Variants in SAXO1 observed in about 807,000 individuals in gnomAD.
The protein encoded by SAXO1 is stabilizer of axonemal microtubules 1, also known as 4930500O09Rik.
Under a neutral mutation model 17.5 loss-of-function variants are expected in SAXO1, and 21 were observed. The ratio of observed to expected loss-of-function variants is 1.20; its 90% confidence interval spans 0.85 to 1.72. The LOEUF (loss-of-function observed/expected upper bound fraction) is 1.72. SAXO1 is among the 40% of genes most tolerant of loss of function. SAXO1 has a pLI of 0.00. For missense variants in SAXO1, 843 were observed against 596.0 expected (o/e 1.41, Z -4.32); for synonymous variants, 274 against 216.5 (o/e 1.27, Z -2.33).
intron 1 of SAXO1, among the ~76,000 whole-genome samples, chr9:18,964,066 A>T (rs1832613534): frequency 6.6e-6 from 1 of 152,096 alleles, no homozygotes; most frequent in Non-Finnish European, 1.5e-5. Flanking sequence ...TATGTGATGG[A>T]TTATGTTTAT....
In SAXO1 at chr9:18,945,975, A is replaced by C. The variant is rs146813168; in HGVS notation, c.219-4136T>G. ...TCTTTTAGGTAATCACCTTTTCTTG[A>C]CTACAAAAACCAGAAGGCTGGCCGG... is the stretch of plus-strand genomic sequence containing the variant. On this transcript the variant is annotated intron_variant, in intron 2 of 3. Transcript: ENST00000380534. Among the ~76,000 whole-genome samples the C allele has an allele frequency of 1.9e-4, 29 of 152,230 alleles. No homozygotes were observed. The East Asian group carries it at 5.6e-3, about 29-fold the overall frequency.
intron 1 of SAXO1, among the ~76,000 whole-genome samples, chr9:19,032,507 C>G (rs114030212): frequency 1.7e-4 from 26 of 152,356 alleles, no homozygotes; most frequent in African/African-American, 5.3e-4. Context: ...GAATTCTCCT[C>G]CCATCCTATC....
Position 18,928,560 on chromosome 9 carries a change from G to A in SAXO1, c.917C>T (p.Thr306Ile). The change falls in exon 4 of 4, where the codon ACA becomes ATA. Residue 306 changes from threonine (T) to isoleucine (I), a missense_variant. Transcript: ENST00000380534. ...PPEDRMDLLT[T>I]VQAHYTCPKG... is the part of the protein sequence containing the mutation. Reference sequence around the variant, plus strand: ...AGGGCATGTGTAATGGGCCTGCACTGTTGTCAGAAGATCCATCCTGTCTTC... The same window carrying A: ...AGGGCATGTGTAATGGGCCTGCACTATTGTCAGAAGATCCATCCTGTCTTC... The A allele has an allele frequency of 1.9e-6, 3 of 1,614,174 alleles. No individual in the cohort carries two copies. Among genetic ancestry groups the A allele is most frequent in the Non-Finnish European group, 2.5e-6 (3 of 1,180,036 alleles).
intron 1 of SAXO1, among the ~76,000 whole-genome samples, chr9:18,980,967 T>A (rs1274327003): frequency 1.3e-5 from 2 of 152,102 alleles, no homozygotes; most frequent in Non-Finnish European, 2.9e-5. Flanking sequence ...TGGTAGAGCG[T>A]TACCTAAGTG....
chr9:18,959,796 G>C (rs1290783474), intron 1 of SAXO1, among the ~76,000 whole-genome samples: 1 of 151,992 alleles, frequency 6.6e-6, no homozygotes, highest in Non-Finnish European at 1.5e-5. Flanking sequence ...AAAGATTCCA[G>C]GTGTGTACAG....
At chr9:18,987,479 A>G (rs548392669) in intron 1 of SAXO1, among the ~76,000 whole-genome samples, 1 of 152,224 alleles carries the variant, frequency 6.6e-6, no homozygotes, top group African/African-American at 2.4e-5. Context: ...AGGCAAGGAA[A>G]TATGATCCAG....
At chr9:18,945,351 C>T (rs1198698424) in intron 2 of SAXO1, among the ~76,000 whole-genome samples, 1 of 152,206 alleles carries the variant, frequency 6.6e-6, no homozygotes, top group Non-Finnish European at 1.5e-5. Context: ...TCAATACTCT[C>T]TCCCTTGACT....
At chr9:18,961,862 G>A (rs2131760178) in intron 1 of SAXO1, among the ~76,000 whole-genome samples, 1 of 152,232 alleles carries the variant, frequency 6.6e-6, no homozygotes, top group East Asian at 1.9e-4. Context: ...CCAGTAATGG[G>A]ATTGCTGGGT....
At chr9:19,042,664 A>G (rs532480844) in intron 1 of SAXO1, among the ~76,000 whole-genome samples, 1 of 152,144 alleles carries the variant, frequency 6.6e-6, no homozygotes, top group South Asian at 2.1e-4. Context: ...GGAATTCAAA[A>G]CCAGCCCGAC....
rs67090530 is a variant in SAXO1 at position 18,938,821 on chromosome 9, C to CGTGTGTGTGTGTGT, written c.421+2802_421+2815dup. ...GTGTGGTGGGGTGCATGCGTGCGTG[C>CGTGTGTGTGTGTGT]GTGTGTGTGTGTGTGTGTGTGTGTG... On this transcript the variant is annotated intron_variant, in intron 3 of 3. Coordinates refer to ENST00000380534, the MANE Select transcript of SAXO1 (RefSeq NM_153707.4). Among the ~76,000 whole-genome samples the CGTGTGTGTGTGTGT allele has an allele frequency of 9.8e-4, 77 of 78,588 alleles. 1 individual carries two copies. Among genetic ancestry groups the CGTGTGTGTGTGTGT allele is most frequent in the African/African-American group, 3.3e-3 (72 of 21,496 alleles). 51.6% of individuals were successfully genotyped at this position (78,588 alleles called of 152,430 possible). A position where few individuals can be genotyped will look rare whatever the true frequency, so the allele number is the denominator to read the frequency against.
intron 1 of SAXO1, among the ~76,000 whole-genome samples, chr9:18,958,938 A>G (rs992819469): frequency 1.3e-5 from 2 of 152,182 alleles, no homozygotes; most frequent in East Asian, 1.9e-4. Flanking sequence ...TTTCTGGGGG[A>G]AAAACTGACA....
rs145470510 is a variant in SAXO1 at position 18,950,937 on chromosome 9, C to G, written c.39G>C (p.Gly13=). 4 of 1,609,726 alleles carry G rather than the reference C, an allele frequency of 2.5e-6. No individual in the cohort carries two copies. The African/African-American group carries it at 4.0e-5, about 16-fold the overall frequency. ...TAGGGAGATGTGGACAGTGATGCCG[C>G]CTATAAAAGACACAGAGTTAGGTTG... ...TKCICELCSC[G]RHHCPHLPTK... is the part of the protein sequence containing the mutation. The change falls in exon 2 of 4, where the codon GGG becomes GGC. Residue 13 remains glycine (G), a splice_region_variant and synonymous_variant. Transcript: ENST00000380534.
chr9:19,041,133 A>G (rs1020271337), intron 1 of SAXO1, among the ~76,000 whole-genome samples: 1 of 148,598 alleles, frequency 6.7e-6, no homozygotes, highest in African/African-American at 2.5e-5. Context: ...AATCAGGAGC[A>G]CTTCTACCTG....
chr9:19,038,779 G>C (rs979733786), intron 1 of SAXO1, among the ~76,000 whole-genome samples: 1 of 151,756 alleles, frequency 6.6e-6, no homozygotes, highest in Non-Finnish European at 1.5e-5. Context: ...AGAATAAATG[G>C]CTGTGTATGT....
At chr9:18,950,638 T>C in intron 2 of SAXO1, 120 bp downstream of exon 2, 1 of 819,514 alleles carries the variant, frequency 1.2e-6, no homozygotes, top group Non-Finnish European at 1.9e-6. Context: ...TAATATCATA[T>C]GTTGATACTG....
At chr9:18,948,876 T>C (rs1393942388) in intron 2 of SAXO1, among the ~76,000 whole-genome samples, 3 of 152,116 alleles carry the variant, frequency 2.0e-5, no homozygotes, top group Non-Finnish European at 2.9e-5. Flanking sequence ...AAATTGGATA[T>C]AAAGAGATAA....
chr9:18,935,283 C>G (rs1205927766), intron 3 of SAXO1, among the ~76,000 whole-genome samples: 1 of 152,166 alleles, frequency 6.6e-6, no homozygotes, highest in Non-Finnish European at 1.5e-5. Context: ...AACTTAAGAA[C>G]TTTAAGCCAG....
At chr9:19,004,810 T>C (rs140836356) in intron 1 of SAXO1, among the ~76,000 whole-genome samples, 108 of 152,300 alleles carry the variant, frequency 7.1e-4, no homozygotes, top group African/African-American at 2.4e-3. Flanking sequence ...GGCACATGTG[T>C]ATCTATGTAG....
chr9:18,989,887 T>C (rs140339494), intron 1 of SAXO1, among the ~76,000 whole-genome samples: 2 of 152,330 alleles, frequency 1.3e-5, no homozygotes, highest in African/African-American at 4.8e-5. Flanking sequence ...CTCTTACAGA[T>C]TGTAACCTTT....
Sources: gnomAD v4.1 joint callset for allele counts (sites outside exome capture counted in the v4.1 genomes callset) on GRCh38, gnomAD v4.1.1 for gene constraint, MANE v1.5 for transcripts, NCBI Gene and HGNC (gene_info 2026-07-23, HGNC 2026-07-21) for gene names.